Variants in HMGA2 observed in about 807,000 individuals in gnomAD.
HMGA2 encodes the protein high mobility group protein HMGI-C.
HMGA2 carries 8 observed loss-of-function variants against 19.1 expected under a neutral mutation model. The ratio of observed to expected loss-of-function variants is 0.42; its 90% CI spans 0.25 to 0.76. The LOEUF (loss-of-function observed/expected upper bound fraction) is 0.76. HMGA2 is among the 30% of genes least tolerant of loss of function. The pLI is 0.28. For missense variants in HMGA2, 109 were observed against 136.3 expected, an observed-to-expected ratio of 0.80 and a Z score of 1.00; for synonymous variants, 60 against 48.8, an observed-to-expected ratio of 1.23 and a Z score of -0.96.
At chr12:65,849,734 G>GTCTTTTTTTTTTTTTTTTTTTTT (rs1309933646) in intron 3 of HMGA2, among the ~76,000 whole-genome samples, 1 of 102,036 alleles carries the variant, frequency 9.8e-6, no homozygotes, top group African/African-American at 5.9e-5. Flanking sequence ...GGTAGGCTCT[G>GTCTTTTTTTTTTTTTTTTTTTTT]TATTTTTTTT....
chr12:65,921,899 G>A (rs982813420), intron 3 of HMGA2, among the ~76,000 whole-genome samples: 3 of 152,228 alleles, frequency 2.0e-5, no homozygotes, highest in Non-Finnish European at 4.4e-5. Flanking sequence ...CGTACAGCTT[G>A]GGCTGTGGCT....
chr12:65,827,028 A>T (rs1422015753), intron 1 of HMGA2: 2 of 152,184 alleles, frequency 1.3e-5, no homozygotes, highest in African/African-American at 4.8e-5. Context: ...TCACTTAATC[A>T]CCGAATCTGA....
intron 4 of HMGA2, among the ~76,000 whole-genome samples, chr12:65,962,937 T>C (rs1253392749): frequency 2.0e-5 from 3 of 152,176 alleles, no homozygotes; most frequent in Non-Finnish European, 4.4e-5. Flanking sequence ...ACTTTTTTTC[T>C]AATTGGTGAG....
At chr12:65,851,169 T>A (rs1312170052) in intron 3 of HMGA2, among the ~76,000 whole-genome samples, 2 of 152,204 alleles carry the variant, frequency 1.3e-5, no homozygotes, top group Non-Finnish European at 2.9e-5. Context: ...GCTGGTAATA[T>A]CTCCATTGTA....
chr12:65,916,414 G>T (rs1208025787), intron 3 of HMGA2, among the ~76,000 whole-genome samples: 2 of 152,158 alleles, frequency 1.3e-5, no homozygotes, highest in African/African-American at 4.8e-5. Context: ...AAATTCCATT[G>T]TTACATTTAT....
chr12:65,866,720 A>G (rs1169549307), intron 3 of HMGA2: 1 of 431,758 alleles, frequency 2.3e-6, no homozygotes, highest in African/African-American at 2.0e-5. Flanking sequence ...TTCATTACAA[A>G]TTTAAGAAGG....
At chr12:65,849,389 A>G (rs1166146496) in intron 3 of HMGA2, among the ~76,000 whole-genome samples, 1 of 152,202 alleles carries the variant, frequency 6.6e-6, no homozygotes, top group African/African-American at 2.4e-5. Context: ...TGCACACCTT[A>G]TAAGTTTTAA....
intron 3 of HMGA2, among the ~76,000 whole-genome samples, chr12:65,896,853 A>G (rs1243599861): frequency 3.9e-5 from 6 of 152,238 alleles, no homozygotes; most frequent in Non-Finnish European, 8.8e-5. Flanking sequence ...CTGGTAGTTG[A>G]GATGAATGAG....
intron 3 of HMGA2, among the ~76,000 whole-genome samples, chr12:65,861,778 G>T (rs1467658599): frequency 2.7e-5 from 4 of 150,290 alleles, no homozygotes; most frequent in Non-Finnish European, 4.4e-5. Flanking sequence ...TGGCTTTAAA[G>T]ATATGCTTTA....
intron 3 of HMGA2, among the ~76,000 whole-genome samples, chr12:65,847,310 G>C (rs1871273005): frequency 6.6e-6 from 1 of 152,004 alleles, no homozygotes; most frequent in Non-Finnish European, 1.5e-5. Flanking sequence ...GGAGAAAAAG[G>C]GAATCAGAAA....
chr12:65,917,607 A>T (rs1414992465), intron 3 of HMGA2, among the ~76,000 whole-genome samples: 1 of 152,212 alleles, frequency 6.6e-6, no homozygotes, highest in Admixed American at 6.5e-5. Flanking sequence ...GACAGGCCAA[A>T]CACATAAAAC....
At chr12:65,953,697 A>G (rs978782125) in intron 4 of HMGA2, 20 of 152,326 alleles carry the variant, frequency 1.3e-4, no homozygotes, top group African/African-American at 3.6e-4. Flanking sequence ...TGCCCTTTAT[A>G]GGAGAGTTCA....
chr12:65,946,173 G>T (rs908466483), intron 3 of HMGA2, among the ~76,000 whole-genome samples: 1 of 152,110 alleles, frequency 6.6e-6, no homozygotes, highest in Non-Finnish European at 1.5e-5. Context: ...ATAGCTAGAA[G>T]ATCTGTCTTA....
intron 3 of HMGA2, among the ~76,000 whole-genome samples, chr12:65,900,132 CAT>C (rs1483871564): frequency 2.6e-5 from 4 of 152,124 alleles, no homozygotes; most frequent in African/African-American, 9.7e-5. Context: ...CAAATTAGGT[CAT>C]GTTTACTCTG....
chr12:65,888,595 ACT>A (rs370221600), intron 3 of HMGA2, among the ~76,000 whole-genome samples: 2,137 of 67,950 alleles, frequency 0.031, 134 homozygotes, highest in South Asian at 0.22. Context: ...ACAGAGTCTC[ACT>A]CTGTCGCCCA....
intron 2 of HMGA2, 110 bp from the exon 3 acceptor site, chr12:65,838,409 G>C: frequency 4.3e-6 from 3 of 702,318 alleles, no homozygotes; most frequent in Non-Finnish European, 7.2e-6. Context: ...AAAAAAAACC[G>C]ATACGTCATC....
chr12:65,849,706 C>G (rs1002808974), intron 3 of HMGA2, among the ~76,000 whole-genome samples: 2 of 147,594 alleles, frequency 1.4e-5, no homozygotes, highest in African/African-American at 5.1e-5. Flanking sequence ...CATCTCCAGA[C>G]TACCAAACCA....
chr12:65,895,414 G>C (rs1425833960), intron 3 of HMGA2, among the ~76,000 whole-genome samples: 1 of 152,052 alleles, frequency 6.6e-6, no homozygotes. Flanking sequence ...ATTACCTGAG[G>C]CTTTAGGTTT....
chr12:65,871,471 A>G (rs1324075975), intron 3 of HMGA2, among the ~76,000 whole-genome samples: 1 of 152,216 alleles, frequency 6.6e-6, no homozygotes, highest in African/African-American at 2.4e-5. Flanking sequence ...GTGTGAATGG[A>G]AAATGAATTT....
Sources: allele counts gnomAD v4.1 joint callset (sites outside exome capture counted in the v4.1 genomes callset), GRCh38; gene constraint gnomAD v4.1.1; transcripts MANE v1.5; gene names NCBI Gene and HGNC (gene_info 2026-07-23, HGNC 2026-07-21).